C8orf34: variants seen among roughly 807,000 people sequenced by gnomAD.
C8orf34 encodes chromosome 8 open reading frame 34.
C8orf34 carries 65 observed loss-of-function variants against 68.3 expected under a neutral mutation model. The ratio of observed to expected loss-of-function variants is 0.95; its 90% CI spans 0.78 to 1.17. The LOEUF is 1.17. Among genes scored for constraint, C8orf34 ranks in the 50% most tolerant of loss-of-function variants. C8orf34 has a pLI of 0.00. For missense variants in C8orf34, 664 were observed against 655.4 expected (o/e 1.01, Z -0.14); for synonymous variants, 244 against 241.2 (o/e 1.01, Z -0.11).
intron 1 of C8orf34, among the ~76,000 whole-genome samples, chr8:68,380,293 T>C (rs1054724416): frequency 2.0e-5 from 3 of 152,168 alleles, no homozygotes; most frequent in Non-Finnish European, 2.9e-5. Context: ...AAATGGTAGC[T>C]CCATTTTGCC....
chr8:68,431,517 A>G (rs190602920), intron 1 of C8orf34, among the ~76,000 whole-genome samples: 173 of 152,294 alleles, frequency 1.1e-3, no homozygotes, highest in African/African-American at 3.9e-3. Flanking sequence ...AGTTGCTTCC[A>G]TAGACTATTA....
chr8:68,603,712 G>A lies in C8orf34; in HGVS notation c.1106-36664G>A, dbSNP rs190388013. Among the ~76,000 whole-genome samples, 346 of 151,998 alleles carry A rather than the reference G, an allele frequency of 2.3e-3. 2 individuals carry two copies. Among genetic ancestry groups the A allele is most frequent in the African/African-American group, 7.8e-3 (323 of 41,502 alleles). Reference sequence around the variant, plus strand: ...GAAGAGACAAAACTAATCTGTGGACGAAAAAAACCACAGTGGGGATATGAG... The same window carrying A: ...GAAGAGACAAAACTAATCTGTGGACAAAAAAAACCACAGTGGGGATATGAG... On this transcript the variant is annotated intron_variant, in intron 7 of 13. Transcript: ENST00000518698.
chr8:68,471,296 T>G (rs568345363), intron 4 of C8orf34, among the ~76,000 whole-genome samples: 10 of 152,238 alleles, frequency 6.6e-5, no homozygotes, highest in East Asian at 3.9e-4. Context: ...CTGAGCAAAA[T>G]TATACTTTCT....
chr8:68,603,523 ATCTATCTATCTATCTATC>A (rs1255349879), intron 7 of C8orf34, among the ~76,000 whole-genome samples: 1,530 of 76,844 alleles, frequency 0.02, 42 homozygotes, highest in African/African-American at 0.094. Flanking sequence ...ATATACATAT[ATCTATCTATCTATCTATC>A]TATCTATCTA....
intron 5 of C8orf34, among the ~76,000 whole-genome samples, chr8:68,503,444 T>G (rs1038219464): frequency 1.3e-5 from 2 of 152,144 alleles, no homozygotes; most frequent in African/African-American, 4.8e-5. Flanking sequence ...AATTAATGAT[T>G]GATGAAAATG....
At chr8:68,653,937 T>C (rs915564648) in intron 8 of C8orf34, among the ~76,000 whole-genome samples, 11 of 152,274 alleles carry the variant, frequency 7.2e-5, no homozygotes, top group South Asian at 2.1e-4. Flanking sequence ...CAAAATTATA[T>C]ATTATGGTTT....
At chr8:68,642,808 A>G (rs1282415924) in intron 8 of C8orf34, among the ~76,000 whole-genome samples, 2 of 152,178 alleles carry the variant, frequency 1.3e-5, no homozygotes, top group African/African-American at 2.4e-5. Flanking sequence ...CATGGAAGAC[A>G]ATTTTTCCAT....
intron 7 of C8orf34, chr8:68,535,473 T>TA: frequency 1.0e-5 from 10 of 966,336 alleles, no homozygotes; most frequent in Non-Finnish European, 1.1e-5. Flanking sequence ...GACATTAATA[T>TA]AAAAAAGGAT....
intron 1 of C8orf34, among the ~76,000 whole-genome samples, chr8:68,348,676 C>A (rs1806382707): frequency 6.6e-6 from 1 of 151,888 alleles, no homozygotes; most frequent in Non-Finnish European, 1.5e-5. Context: ...AGAGATCTTT[C>A]TCCTCCCTGG....
At chr8:68,602,326 A>G (rs148454603) in intron 7 of C8orf34, among the ~76,000 whole-genome samples, 75 of 152,260 alleles carry the variant, frequency 4.9e-4, no homozygotes, top group African/African-American at 1.4e-3. Context: ...TGTAAAGAGA[A>G]TGGGTAATTT....
chr8:68,766,892 G>C (rs1468232654), intron 10 of C8orf34, among the ~76,000 whole-genome samples: 1 of 152,122 alleles, frequency 6.6e-6, no homozygotes, highest in Non-Finnish European at 1.5e-5. Flanking sequence ...GCCAAGAAAT[G>C]GTATTTTGAG....
intron 1 of C8orf34, among the ~76,000 whole-genome samples, chr8:68,424,253 G>A (rs997263882): frequency 6.6e-6 from 1 of 152,054 alleles, no homozygotes; most frequent in African/African-American, 2.4e-5. Flanking sequence ...CATTGCAAGG[G>A]CTTTAAAAAC....
chr8:68,559,024 A>T (rs1816340703), intron 7 of C8orf34, among the ~76,000 whole-genome samples: 1 of 152,194 alleles, frequency 6.6e-6, no homozygotes, highest in Non-Finnish European at 1.5e-5. Flanking sequence ...TGAGTTAGAA[A>T]GGTGGGTTTT....
chr8:68,330,805 AC>A, upstream of C8orf34: 1 of 483,118 alleles, frequency 2.1e-6, no homozygotes, highest in South Asian at 3.4e-5. Flanking sequence ...ACACACACAC[AC>A]ACGCACGCAC....
At chr8:68,814,643 T>A (rs1233370856) in intron 12 of C8orf34, among the ~76,000 whole-genome samples, 1 of 152,162 alleles carries the variant, frequency 6.6e-6, no homozygotes, top group African/African-American at 2.4e-5. Flanking sequence ...CCATCCTCTG[T>A]GAAGGATGCT....
At chr8:68,649,413 G>A (rs1434884356) in intron 8 of C8orf34, among the ~76,000 whole-genome samples, 1 of 152,172 alleles carries the variant, frequency 6.6e-6, no homozygotes, top group South Asian at 2.1e-4. Flanking sequence ...GTCAGATGAC[G>A]ATAGTGCCAT....
chr8:68,605,926 C>G (rs1273904269), intron 7 of C8orf34, among the ~76,000 whole-genome samples: 1 of 152,048 alleles, frequency 6.6e-6, no homozygotes, highest in Non-Finnish European at 1.5e-5. Flanking sequence ...AGATGAACCC[C>G]TGGGGGATGT....
At chr8:68,529,323 G>T (rs2129784870) in intron 6 of C8orf34, among the ~76,000 whole-genome samples, 1 of 152,278 alleles carries the variant, frequency 6.6e-6, no homozygotes, top group East Asian at 1.9e-4. Flanking sequence ...TCTGCCTTCT[G>T]AAATTCCAAC....
chr8:68,525,927 G>T (rs555902840), intron 6 of C8orf34: 2 of 230,328 alleles, frequency 8.7e-6, no homozygotes, highest in Non-Finnish European at 8.5e-6. Context: ...TGGAAAGATG[G>T]CAGCTGAAAG....
Sources: allele counts gnomAD v4.1 joint callset (sites outside exome capture counted in the v4.1 genomes callset), GRCh38; gene constraint gnomAD v4.1.1; transcripts MANE v1.5; gene names NCBI Gene and HGNC (gene_info 2026-07-23, HGNC 2026-07-21).